The following KCNIP4 variants were observed in gnomAD, a reference collection of about 807,000 sequenced individuals.
The protein encoded by KCNIP4 is Kv channel-interacting protein 4.
A neutral mutation model predicts 34.0 loss-of-function variants in KCNIP4; 12 were observed. The observed-to-expected ratio is 0.35, with a 90% CI of 0.23 to 0.57. KCNIP4 has a LOEUF of 0.57. KCNIP4 is among the 20% of genes least tolerant of loss of function. The probability of loss-of-function intolerance (pLI) is 0.83; values close to 1 mark genes in which losing one functional copy is unlikely to be tolerated. For synonymous variants in KCNIP4, 124 were observed against 102.2 expected, an observed-to-expected ratio of 1.21 and a Z score of -1.29; for missense variants, 238 against 311.7, an observed-to-expected ratio of 0.76 and a Z score of 1.78.
intron 8 of KCNIP4, among the ~76,000 whole-genome samples, chr4:20,730,997 A>G (rs1468643387): frequency 6.6e-6 from 1 of 152,234 alleles, no homozygotes; most frequent in Non-Finnish European, 1.5e-5. Context: ...CATCCAGAAA[A>G]GTAAGAACAA....
At chr4:21,355,852 A>C (rs1484893702) in intron 1 of KCNIP4, among the ~76,000 whole-genome samples, 1 of 152,204 alleles carries the variant, frequency 6.6e-6, no homozygotes, top group Non-Finnish European at 1.5e-5. Flanking sequence ...ACAACAAAAA[A>C]AGAGAGTTTT....
At chr4:21,804,659 A>G (rs1192611997) in intron 1 of KCNIP4, among the ~76,000 whole-genome samples, 2 of 152,196 alleles carry the variant, frequency 1.3e-5, no homozygotes, top group African/African-American at 4.8e-5. Flanking sequence ...TTAAAAACCT[A>G]TAATTCTAAG....
intron 1 of KCNIP4, among the ~76,000 whole-genome samples, chr4:21,879,842 T>G (rs544287605): frequency 2.6e-5 from 4 of 152,132 alleles, no homozygotes; most frequent in Non-Finnish European, 4.4e-5. Flanking sequence ...AATTGAATCA[T>G]GGAGGCAGTT....
intron 5 of KCNIP4, among the ~76,000 whole-genome samples, chr4:20,739,721 C>G (rs950019032): frequency 6.6e-6 from 1 of 152,122 alleles, no homozygotes; most frequent in Admixed American, 6.5e-5. Flanking sequence ...AGCAATGGAA[C>G]AAAGCTGGAT....
intron 1 of KCNIP4, chr4:21,464,609 A>T (rs1439783540): frequency 6.6e-6 from 1 of 152,084 alleles, no homozygotes; most frequent in Non-Finnish European, 1.5e-5. Context: ...CCTAGCATAT[A>T]ATCTATCCTG....
rs780408271 is a variant in KCNIP4, at chr4:20,850,599, C to A, written c.232G>T (p.Ala78Ser). The A allele has an allele frequency of 3.7e-6, 6 of 1,612,838 alleles. No homozygotes were observed. The Admixed American group carries it at 6.7e-5, about 18-fold the overall frequency. The change falls in exon 3 of 9, where the codon GCC (alanine) becomes TCC (serine). Residue 78 changes from alanine (A) to serine (S), a missense_variant. Ala to Ser is a moderately conservative substitution (Grantham distance 99). Transcript: ENST00000382152. ...TCTTTCTTGGTAAATTTGCTCTGGG[C>A]TTCCAGAAGCTCAAGGGCTTCAGGC... ...HRPEALELLE[A>S]QSKFTKKELQ... is the part of the protein sequence containing the mutation.
chr4:21,600,204 A>T (rs1283846986), intron 1 of KCNIP4, among the ~76,000 whole-genome samples: 1 of 152,134 alleles, frequency 6.6e-6, no homozygotes, highest in Non-Finnish European at 1.5e-5. Flanking sequence ...TTTCATGCTG[A>T]GCCAAAATGT....
At position 21,256,878 on chromosome 4, in the gene KCNIP4, G is replaced by C. The variant is rs543069221; in HGVS notation, c.62-374169C>G. 5.9e-5 allele frequency among the ~76,000 whole-genome samples: 9 copies of C among 152,272 alleles called. No individual in the cohort carries two copies. The South Asian group carries it at 1.9e-3, about 32-fold the overall frequency. Reference sequence around the variant, plus strand: ...GATTGGGCTGATGGCTGTGGAAATGGTGTGAAATGCTCAAATTTTGGTTGC... The same window carrying C: ...GATTGGGCTGATGGCTGTGGAAATGCTGTGAAATGCTCAAATTTTGGTTGC... On this transcript the variant is annotated intron_variant, in intron 1 of 8. Transcript: ENST00000382152.
intron 2 of KCNIP4, among the ~76,000 whole-genome samples, chr4:20,866,491 A>G (rs532300266): frequency 3.6e-4 from 55 of 152,192 alleles, no homozygotes; most frequent in South Asian, 3.5e-3. Context: ...CAGACTAGGC[A>G]TCTAAATAAC....
At chr4:21,700,111 T>C (rs986175265) in intron 1 of KCNIP4, among the ~76,000 whole-genome samples, 1 of 152,184 alleles carries the variant, frequency 6.6e-6, no homozygotes, top group African/African-American at 2.4e-5. Flanking sequence ...AGAAATACTA[T>C]GGGATTGCTG....
At chr4:20,786,694 C>G (rs1344064813) in intron 3 of KCNIP4, among the ~76,000 whole-genome samples, 1 of 152,098 alleles carries the variant, frequency 6.6e-6, no homozygotes, top group Non-Finnish European at 1.5e-5. Context: ...AGAATGTACA[C>G]TGTGCTTTAT....
intron 3 of KCNIP4, among the ~76,000 whole-genome samples, chr4:20,763,278 G>A (rs755722407): frequency 1.3e-5 from 2 of 152,118 alleles, no homozygotes; most frequent in Non-Finnish European, 2.9e-5. Context: ...TTTTGGATGA[G>A]GGATAGTCAA....
chr4:21,384,987 C>T (rs757083710), intron 1 of KCNIP4, among the ~76,000 whole-genome samples: 1 of 152,120 alleles, frequency 6.6e-6, no homozygotes, highest in African/African-American at 2.4e-5. Flanking sequence ...AGATTGCCTC[C>T]CTTATTGATC....
At chr4:21,878,532 T>C (rs1454812674) in intron 1 of KCNIP4, among the ~76,000 whole-genome samples, 1 of 152,222 alleles carries the variant, frequency 6.6e-6, no homozygotes, top group East Asian at 1.9e-4. Flanking sequence ...TCAAGAAGTA[T>C]GTACTTTCTC....
chr4:21,538,935 G>A lies in KCNIP4; in HGVS notation c.61+409636C>T, dbSNP rs542486479. ...TGTAATCCCTGTGTGTCAAGGGAGAGACCTGGTGGGAAGTGACTGGATCGT... is the reference window on the plus strand; with the variant it reads ...TGTAATCCCTGTGTGTCAAGGGAGAAACCTGGTGGGAAGTGACTGGATCGT... On this transcript the variant is annotated intron_variant, in intron 1 of 8. Coordinates refer to ENST00000382152, the MANE Select transcript of KCNIP4 (RefSeq NM_025221.6). 1.2e-4 allele frequency among the ~76,000 whole-genome samples: 18 copies of A among 152,282 alleles called. No homozygotes were observed. In the East Asian group the frequency reaches 2.5e-3, roughly 21 times the overall value.
At chr4:21,376,197 A>G (rs927880958) in intron 1 of KCNIP4, among the ~76,000 whole-genome samples, 1 of 152,228 alleles carries the variant, frequency 6.6e-6, no homozygotes, top group Non-Finnish European at 1.5e-5. Flanking sequence ...GTATGTTAAA[A>G]AGGAATTTAA....
chr4:21,352,047 G>A (rs184688470), intron 1 of KCNIP4, among the ~76,000 whole-genome samples: 1 of 152,206 alleles, frequency 6.6e-6, no homozygotes, highest in Non-Finnish European at 1.5e-5. Flanking sequence ...TTGATAAACT[G>A]CTTGAAGCAT....
intron 1 of KCNIP4, among the ~76,000 whole-genome samples, chr4:21,071,102 T>G (rs1324789051): frequency 2.0e-5 from 3 of 152,218 alleles, no homozygotes; most frequent in Non-Finnish European, 1.5e-5. Flanking sequence ...GAGCAAAGGT[T>G]GTTTAATTTT....
chr4:21,677,592 C>A (rs1410830185), intron 1 of KCNIP4, among the ~76,000 whole-genome samples: 1 of 152,192 alleles, frequency 6.6e-6, no homozygotes, highest in Non-Finnish European at 1.5e-5. Context: ...GCCTGTAGGG[C>A]ATCCTGTTCC....
Sources: gnomAD v4.1 joint callset for allele counts (sites outside exome capture counted in the v4.1 genomes callset) on GRCh38, gnomAD v4.1.1 for gene constraint, MANE v1.5 for transcripts, NCBI Gene and HGNC (gene_info 2026-07-23, HGNC 2026-07-21) for gene names.